Variants in PTPRN2 observed in about 807,000 individuals in gnomAD.
PTPRN2 encodes the protein protein tyrosine phosphatase receptor type N2.
A neutral mutation model predicts 118.8 loss-of-function variants in PTPRN2; 74 were observed. The ratio of observed to expected loss-of-function variants is 0.62; its 90% confidence interval spans 0.52 to 0.76. The LOEUF (loss-of-function observed/expected upper bound fraction) is 0.76. Among genes scored for constraint, PTPRN2 ranks in the 30% least tolerant of loss-of-function variants. The pLI is 0.00. For missense variants in PTPRN2, 1,481 were observed against 1,394.4 expected (o/e 1.06, Z -0.99); for synonymous variants, 641 against 608.0 (o/e 1.05, Z -0.80).
At chr7:157,879,618 C>T (rs1369918816) in intron 12 of PTPRN2, among the ~76,000 whole-genome samples, 1 of 151,872 alleles carries the variant, frequency 6.6e-6, no homozygotes, top group Non-Finnish European at 1.5e-5. Context: ...AGGGAGGGGG[C>T]TCCAAGCACT....
chr7:158,314,567 G>A (rs951493840), intron 3 of PTPRN2, among the ~76,000 whole-genome samples: 4 of 152,264 alleles, frequency 2.6e-5, no homozygotes, highest in Admixed American at 6.5e-5. Flanking sequence ...AGCAGGAGCT[G>A]GGCCCAAGCC....
At chr7:158,047,597 G>A (rs1363449413) in intron 11 of PTPRN2, among the ~76,000 whole-genome samples, 2 of 152,214 alleles carry the variant, frequency 1.3e-5, no homozygotes, top group East Asian at 3.9e-4. Context: ...GAGAGTGCAA[G>A]GGCTACCTGC....
At position 158,362,234 on chromosome 7, in the gene PTPRN2, GC is replaced by G. The variant is rs111952682; in HGVS notation, c.164-45303del. On this transcript the variant is annotated intron_variant, in intron 2 of 22. Coordinates refer to ENST00000389418, the MANE Select transcript of PTPRN2 (RefSeq NM_002847.5). ...TCCAGAGGAGGAGGCAGAAGAGGCC[GC>G]CCCTGCCCGCCCGGCCTCAGCCTGG... is the stretch of plus-strand genomic sequence containing the variant. Among the ~76,000 whole-genome samples the G allele has an allele frequency of 2.0e-4, 30 of 152,296 alleles. 1 individual carries two copies. The highest frequency in any genetic ancestry group is 6.3e-4 in the African/African-American group (26 of 41,564).
At chr7:157,548,205 G>C (rs997688587) in intron 22 of PTPRN2, among the ~76,000 whole-genome samples, 1 of 152,154 alleles carries the variant, frequency 6.6e-6, no homozygotes, top group African/African-American at 2.4e-5. Flanking sequence ...GACAGAGTGA[G>C]ACTCTGTCTC....
At chr7:157,677,133 T>A (rs1796707425) in intron 13 of PTPRN2, among the ~76,000 whole-genome samples, 1 of 152,132 alleles carries the variant, frequency 6.6e-6, no homozygotes, top group Non-Finnish European at 1.5e-5. Context: ...TAGCAGGAAG[T>A]GGCTTCCTTA....
intron 6 of PTPRN2, among the ~76,000 whole-genome samples, chr7:158,162,357 C>A (rs7784298): frequency 6.6e-6 from 1 of 152,016 alleles, no homozygotes; most frequent in African/African-American, 2.4e-5. Flanking sequence ...CCTCAGTAGG[C>A]GAATAAACTG....
intron 2 of PTPRN2, among the ~76,000 whole-genome samples, chr7:158,421,524 T>A (rs1472386697): frequency 6.6e-6 from 1 of 152,186 alleles, no homozygotes; most frequent in African/African-American, 2.4e-5. Flanking sequence ...GTGATGTGCC[T>A]CAGAAATAAA....
intron 11 of PTPRN2, among the ~76,000 whole-genome samples, chr7:158,005,143 C>T (rs1022299095): frequency 2.1e-4 from 31 of 149,714 alleles, no homozygotes; most frequent in African/African-American, 5.9e-4. Context: ...GGTGTGATCT[C>T]GGCTCACCAC....
Position 157,831,466 on chromosome 7 carries a change from T to C in PTPRN2, c.1788+67207A>G, listed in dbSNP as rs1807560789. On this transcript the variant is annotated intron_variant, in intron 12 of 22. Coordinates refer to ENST00000389418, the MANE Select transcript of PTPRN2 (RefSeq NM_002847.5). This position sits in a 1 kb window ranked among gnomAD's most constrained non-coding sequence, Gnocchi z 4.8. ...GGGCTGGGTGCATTTGGAGTTGCCC[T>C]GGGGCTGGGGCTGGGAGACGGAGCT... 6.6e-6 allele frequency among the ~76,000 whole-genome samples: 1 copy of C among 152,158 alleles called. No homozygotes were observed. The highest frequency in any genetic ancestry group is 1.5e-5 in the Non-Finnish European group (1 of 68,006).
At chr7:157,966,732 T>C (rs983101757) in intron 11 of PTPRN2, among the ~76,000 whole-genome samples, 2 of 152,006 alleles carry the variant, frequency 1.3e-5, no homozygotes, top group African/African-American at 4.8e-5. Flanking sequence ...ATCACCACCA[T>C]CGTCTTCATT....
intron 3 of PTPRN2, among the ~76,000 whole-genome samples, chr7:158,293,574 T>C (rs1247603450): frequency 1.3e-5 from 2 of 151,062 alleles, no homozygotes; most frequent in Admixed American, 6.6e-5. Flanking sequence ...AGACTCTGTC[T>C]CGAAAAAAAA....
At chr7:158,345,135 G>A (rs989876362) in intron 2 of PTPRN2, among the ~76,000 whole-genome samples, 2 of 152,194 alleles carry the variant, frequency 1.3e-5, no homozygotes, top group Non-Finnish European at 2.9e-5. Context: ...GACCCCCACA[G>A]TCCACGTGAC....
chr7:158,184,272 G>A (rs545794247), intron 5 of PTPRN2, among the ~76,000 whole-genome samples: 24 of 151,950 alleles, frequency 1.6e-4, no homozygotes, highest in African/African-American at 5.1e-4. Flanking sequence ...CCATTAATTT[G>A]TCTTATTGTT....
At chr7:157,613,562 C>G (rs552985625) in intron 15 of PTPRN2, among the ~76,000 whole-genome samples, 1 of 152,202 alleles carries the variant, frequency 6.6e-6, no homozygotes, top group Non-Finnish European at 1.5e-5. Flanking sequence ...GCGGGCTCCT[C>G]GCTGAGCCGC....
intron 11 of PTPRN2, among the ~76,000 whole-genome samples, chr7:157,992,439 C>T (rs952418974): frequency 6.6e-6 from 1 of 152,228 alleles, no homozygotes. Context: ...GGGGACCGGC[C>T]ACACGGTCTG....
At chr7:158,387,603 G>GGACTC (rs1811586929) in intron 2 of PTPRN2, among the ~76,000 whole-genome samples, 1 of 870 alleles carries the variant, frequency 1.1e-3, no homozygotes, top group Non-Finnish European at 3.8e-3. Context: ...GCCCGGGGAT[G>GGACTC]CAGCTGAAGG....
chr7:158,095,714 T>A, intron 10 of PTPRN2, among the ~76,000 whole-genome samples: 1 of 152,190 alleles, frequency 6.6e-6, no homozygotes, highest in Non-Finnish European at 1.5e-5. Context: ...ACTGAGGCCC[T>A]GCCTTCAAGG....
rs143503536 is a variant in PTPRN2, at chr7:158,018,643, G to A, written c.1723+62655C>T. Among the ~76,000 whole-genome samples, 455 of 152,194 alleles carry A rather than the reference G, an allele frequency of 3.0e-3. 2 individuals are homozygous for A. Among genetic ancestry groups the A allele is most frequent in the African/African-American group, 0.01 (432 of 41,526 alleles). On this transcript the variant is annotated intron_variant, in intron 11 of 22. Coordinates refer to ENST00000389418, the MANE Select transcript of PTPRN2 (RefSeq NM_002847.5). Reference sequence around the variant, plus strand: ...TGGTAGAGACGGTTCCTAACCAAACGTTCAGTTTGTTTCTCTTTAAGAATA... The same window carrying A: ...TGGTAGAGACGGTTCCTAACCAAACATTCAGTTTGTTTCTCTTTAAGAATA...
chr7:157,628,437 T>A (rs1487862342), intron 14 of PTPRN2, among the ~76,000 whole-genome samples: 2 of 152,136 alleles, frequency 1.3e-5, no homozygotes, highest in Non-Finnish European at 2.9e-5. Context: ...GAGATGAACA[T>A]GGAAAGGAGC....
Sources: allele counts gnomAD v4.1 joint callset (sites outside exome capture counted in the v4.1 genomes callset), GRCh38; gene constraint gnomAD v4.1.1; non-coding constraint Gnocchi (gnomAD v3.1); transcripts MANE v1.5; gene names NCBI Gene and HGNC (gene_info 2026-07-23, HGNC 2026-07-21).